Variants in DOP1B observed in about 807,000 individuals in gnomAD.
The protein encoded by DOP1B is DOP1 leucine zipper like protein B.
Under a neutral mutation model 233.5 loss-of-function variants are expected in DOP1B, and 174 were observed. The observed-to-expected ratio is 0.75, with a 90% CI of 0.66 to 0.85. The LOEUF (loss-of-function observed/expected upper bound fraction) is 0.85, where lower values mean the gene tolerates loss of function less well. DOP1B is among the 40% of genes least tolerant of loss of function. The pLI, the probability that DOP1B is intolerant of heterozygous loss-of-function variation, is 0.00. For missense variants in DOP1B, 2,652 were observed against 2,846.6 expected, an observed-to-expected ratio of 0.93 and a Z score of 1.56; for synonymous variants, 1,190 against 1,185.6, an observed-to-expected ratio of 1.00 and a Z score of -0.08.
intron 22 of DOP1B, among the ~76,000 whole-genome samples, chr21:36,252,211 A>G (rs969114020): frequency 1.3e-5 from 2 of 151,748 alleles, no homozygotes; most frequent in Non-Finnish European, 2.9e-5. Flanking sequence ...CATGCCACCC[A>G]TTTGGCTTAA....
chr21:36,174,852 A>G (rs967255385), intron 2 of DOP1B, among the ~76,000 whole-genome samples: 1 of 152,122 alleles, frequency 6.6e-6, no homozygotes, highest in African/African-American at 2.4e-5. Flanking sequence ...CCTGTTGACT[A>G]GTATTAGTTC....
At chr21:36,169,912 G>T (rs1421574467) in intron 2 of DOP1B, 1 of 773,594 alleles carries the variant, frequency 1.3e-6, no homozygotes, top group Non-Finnish European at 2.4e-6. Context: ...CACGTAGCCC[G>T]CAATGCCCAC....
Position 36,277,958 on chromosome 21 carries a change from G to A in DOP1B, c.5713-17G>A, listed in dbSNP as rs1198134894. On this transcript the variant is annotated splice_polypyrimidine_tract_variant and intron_variant, in intron 28 of 36. Coordinates refer to ENST00000691173, the MANE Select transcript of DOP1B (RefSeq NM_001320714.2). ...CACCTGGCCAGTTTCTGTTTTCTTA[G>A]GGCCTTGTTCTTTTAGGTACTGGCT... 13 of 1,608,512 alleles carry A rather than the reference G, an allele frequency of 8.1e-6. No individual in the cohort carries two copies. The highest frequency in any genetic ancestry group is 1.1e-5 in the Non-Finnish European group (13 of 1,175,186).
At chr21:36,162,397 G>T (rs1478552044) in intron 1 of DOP1B, among the ~76,000 whole-genome samples, 1 of 152,166 alleles carries the variant, frequency 6.6e-6, no homozygotes, top group African/African-American at 2.4e-5. Context: ...GTTTCACCAT[G>T]TTGCTCAGGT....
intron 24 of DOP1B, 96 bp from the exon 25 acceptor site, chr21:36,263,450 T>C: frequency 9.3e-7 from 1 of 1,075,292 alleles, no homozygotes; most frequent in East Asian, 2.4e-5. Context: ...TGTTTACCCT[T>C]TGCTTTCCAA....
At position 36,238,698 on chromosome 21, in the gene DOP1B, A is replaced by G. The variant is rs2123569078; in HGVS notation, c.2873A>G (p.Asp958Gly). The change falls in exon 17 of 37, where the codon GAT becomes GGT. Residue 958 changes from aspartate to glycine, a missense_variant. Asp to Gly is a moderately conservative substitution (Grantham distance 94, BLOSUM62 -1). Coordinates refer to ENST00000691173, the MANE Select transcript of DOP1B (RefSeq NM_001320714.2). Reference protein sequence around the residue: ...SRVTSHNRSFDRSLFVVLDSL... With the variant: ...SRVTSHNRSFGRSLFVVLDSL... ...GTAACATCTCACAATCGCTCCTTTG[A>G]TAGGTGAGGCGGCCTTCGTTATGAT... The G allele has an allele frequency of 1.9e-6, 3 of 1,614,160 alleles. No individual in the cohort carries two copies. Among genetic ancestry groups the G allele is most frequent in the Non-Finnish European group, 2.5e-6 (3 of 1,180,004 alleles).
At chr21:36,231,671 G>GTTTTTTTTT (rs1223755186) in intron 14 of DOP1B, among the ~76,000 whole-genome samples, 1 of 146,432 alleles carries the variant, frequency 6.8e-6, no homozygotes, top group African/African-American at 2.6e-5. Flanking sequence ...TTTGTGTTGG[G>GTTTTTTTTT]TTTTTTTGTT....
chr21:36,222,625 T>C (rs1337779300), intron 10 of DOP1B, among the ~76,000 whole-genome samples: 1 of 152,108 alleles, frequency 6.6e-6, no homozygotes, highest in Non-Finnish European at 1.5e-5. Context: ...CTTGGCTGAA[T>C]TTCCCTGCTG....
At chr21:36,277,905 G>T in intron 28 of DOP1B, 70 bp from the exon 29 acceptor site, 3 of 1,264,892 alleles carry the variant, frequency 2.4e-6, no homozygotes, top group Non-Finnish European at 3.5e-6. Context: ...GCCTCCCGAA[G>T]TGCTGGGATT....
chr21:36,214,325 A>T, intron 8 of DOP1B, 117 bp from the exon 9 acceptor site: 1 of 1,268,516 alleles, frequency 7.9e-7, no homozygotes, highest in Non-Finnish European at 1.1e-6. Flanking sequence ...TATTTGTTGC[A>T]TGCTGGGTGA....
At chr21:36,260,585 GT>G in intron 23 of DOP1B, 91 bp from the exon 24 acceptor site, 5 of 1,547,172 alleles carry the variant, frequency 3.2e-6, no homozygotes, top group Non-Finnish European at 4.4e-6. Flanking sequence ...CCTTTGCTTT[GT>G]TAGGCTATAG....
At chr21:36,187,762 A>G (rs1237226482) in intron 2 of DOP1B, among the ~76,000 whole-genome samples, 2 of 152,104 alleles carry the variant, frequency 1.3e-5, no homozygotes, top group East Asian at 3.9e-4. Flanking sequence ...TGCACATCAC[A>G]TGCCCAGCTA....
At position 36,246,208 on chromosome 21, in the gene DOP1B, G is replaced by A. The variant is rs144016996; in HGVS notation, c.4228G>A (p.Gly1410Ser). 3.2e-3 allele frequency: 5,170 copies of A among 1,613,832 alleles called. 24 individuals are homozygous for A. Among genetic ancestry groups the A allele is most frequent in the South Asian group, 3.3e-3 (301 of 91,080 alleles). Residue 1410 changes from glycine (G) to serine (S), a missense_variant, in exon 19 of 37, where the codon GGC (glycine) becomes AGC (serine). This residue lies in a region of DOP1B where 2,617 missense variants were observed against 2,794.3 expected (regional missense o/e 0.94). Coordinates refer to ENST00000691173, the MANE Select transcript of DOP1B (RefSeq NM_001320714.2). The surrounding 1 kb of genome is among the most constrained non-coding windows in gnomAD (Gnocchi z 5.1). ...KRYGLATAHHGRALPEDSLFE... is the reference protein window; with the variant it reads ...KRYGLATAHHSRALPEDSLFE... ...CTACGGGCTGGCCACCGCCCACCAC[G>A]GCAGGGCCCTGCCAGAGGACAGCCT...
chr21:36,227,279 G>A (rs911180375), intron 12 of DOP1B, among the ~76,000 whole-genome samples: 5 of 151,584 alleles, frequency 3.3e-5, no homozygotes, highest in African/African-American at 9.7e-5. Context: ...CAGGCACGGT[G>A]GCTCACGCCT....
At chr21:36,252,519 A>G (rs904912955) in intron 22 of DOP1B, among the ~76,000 whole-genome samples, 2 of 151,494 alleles carry the variant, frequency 1.3e-5, no homozygotes, top group African/African-American at 2.4e-5. Flanking sequence ...TGAAATCACC[A>G]ATCATATTTC....
intron 2 of DOP1B, among the ~76,000 whole-genome samples, chr21:36,195,090 C>T (rs531132942): frequency 8.3e-4 from 127 of 152,166 alleles, no homozygotes; most frequent in African/African-American, 2.9e-3. Context: ...CCTGTAATCC[C>T]AGCACTTTGG....
chr21:36,282,256 A>C (rs1182114473), intron 32 of DOP1B, among the ~76,000 whole-genome samples: 1 of 152,000 alleles, frequency 6.6e-6, no homozygotes, highest in African/African-American at 2.4e-5. Context: ...CCCCATCTCT[A>C]CTAAAAATAC....
intron 2 of DOP1B, among the ~76,000 whole-genome samples, chr21:36,178,634 T>C (rs1293643668): frequency 2.0e-5 from 3 of 152,202 alleles, no homozygotes; most frequent in Admixed American, 1.3e-4. Context: ...TATTTTGTTA[T>C]GGCAGCCTGG....
chr21:36,288,692 A>G, intron 33 of DOP1B, 64 bp from the exon 34 acceptor site: 1 of 1,262,130 alleles, frequency 7.9e-7, no homozygotes, highest in Non-Finnish European at 1.1e-6. Context: ...AAAATAAGTA[A>G]AAAAAAATAT....
Sources: gnomAD v4.1 joint callset for allele counts (sites outside exome capture counted in the v4.1 genomes callset) on GRCh38, gnomAD v4.1.1 for gene constraint, gnomAD v4.1.1 regional missense constraint, Gnocchi (gnomAD v3.1) non-coding constraint, MANE v1.5 for transcripts, NCBI Gene and HGNC (gene_info 2026-07-23, HGNC 2026-07-21) for gene names.